Variants in LGR6 observed in about 807,000 individuals in gnomAD.
LGR6 encodes the protein leucine rich repeat containing G protein-coupled receptor 6.
A neutral mutation model predicts 69.4 loss-of-function variants in LGR6; 45 were observed. That is an observed-to-expected ratio of 0.65 (90% confidence interval 0.51 to 0.83). The LOEUF is 0.83. LGR6 is among the 40% of genes least tolerant of loss of function. LGR6 has a pLI of 0.00. For synonymous variants in LGR6, 538 were observed against 555.0 expected, an observed-to-expected ratio of 0.97 and a Z score of 0.43; for missense variants, 1,108 against 1,246.7, an observed-to-expected ratio of 0.89 and a Z score of 1.68.
chr1:202,301,271 T>G (rs757648365), intron 9 of LGR6, 36 bp downstream of exon 9: 29 of 1,542,056 alleles, frequency 1.9e-5, no homozygotes, highest in African/African-American at 2.7e-5. Flanking sequence ...CAGCCTGAAC[T>G]TCCCCCTTTC....
chr1:202,230,256 C>A (rs1287622135), intron 3 of LGR6, among the ~76,000 whole-genome samples: 1 of 152,078 alleles, frequency 6.6e-6, no homozygotes, highest in Non-Finnish European at 1.5e-5. Context: ...TTCCCACACC[C>A]CCCCACACCC....
At chr1:202,294,347 A>G (rs1243150474) in intron 6 of LGR6, among the ~76,000 whole-genome samples, 1 of 152,226 alleles carries the variant, frequency 6.6e-6, no homozygotes, top group Non-Finnish European at 1.5e-5. Flanking sequence ...CTCATTCTAT[A>G]TTGCTACATA....
chr1:202,258,919 A>G (rs1664004013), intron 4 of LGR6, among the ~76,000 whole-genome samples: 1 of 152,082 alleles, frequency 6.6e-6, no homozygotes, highest in African/African-American at 2.4e-5. Flanking sequence ...TAAGTCTGAT[A>G]CTGGATATCC....
intron 4 of LGR6, among the ~76,000 whole-genome samples, chr1:202,275,806 A>G (rs778461480): frequency 2.0e-5 from 3 of 152,200 alleles, no homozygotes; most frequent in East Asian, 1.9e-4. Context: ...GTCTTGGACT[A>G]TCATAGAACA....
intron 3 of LGR6, among the ~76,000 whole-genome samples, chr1:202,232,504 T>C (rs558372179): frequency 2.0e-5 from 3 of 152,234 alleles, no homozygotes; most frequent in African/African-American, 7.2e-5. Context: ...TGGGCTTCAG[T>C]GTGACCTGGG....
At chr1:202,273,752 G>A (rs565545514) in intron 4 of LGR6, among the ~76,000 whole-genome samples, 28 of 151,998 alleles carry the variant, frequency 1.8e-4, no homozygotes, top group African/African-American at 6.8e-4. Flanking sequence ...TACCGTGCCC[G>A]GTCATCAATT....
At chr1:202,204,421 A>C in intron 1 of LGR6, among the ~76,000 whole-genome samples, 1 of 97,266 alleles carries the variant, frequency 1.0e-5, no homozygotes, top group Admixed American at 1.1e-4. Flanking sequence ...CACCACACAC[A>C]CACCTCCAAA....
chr1:202,241,111 T>C (rs1337710341), intron 4 of LGR6, among the ~76,000 whole-genome samples: 3 of 152,182 alleles, frequency 2.0e-5, no homozygotes, highest in Non-Finnish European at 4.4e-5. Context: ...CGCCTTTTGA[T>C]GGCTTTCACT....
chr1:202,222,768 G>A (rs1454911992), intron 1 of LGR6, among the ~76,000 whole-genome samples: 2 of 152,114 alleles, frequency 1.3e-5, no homozygotes, highest in Non-Finnish European at 2.9e-5. Context: ...TCCAAGACTA[G>A]TGGGGCCTGA....
intron 6 of LGR6, among the ~76,000 whole-genome samples, chr1:202,285,671 C>T (rs1000843740): frequency 1.3e-5 from 2 of 152,246 alleles, no homozygotes; most frequent in Non-Finnish European, 1.5e-5. Context: ...GAGGATGTTA[C>T]CCAGAAGTGT....
At chr1:202,226,266 TC>T (rs1433818949) in intron 2 of LGR6, among the ~76,000 whole-genome samples, 1 of 152,160 alleles carries the variant, frequency 6.6e-6, no homozygotes, top group Non-Finnish European at 1.5e-5. Context: ...TTCCAACACC[TC>T]CCAGCCCTGT....
At chr1:202,269,679 C>G (rs534162912) in intron 4 of LGR6, among the ~76,000 whole-genome samples, 1 of 152,334 alleles carries the variant, frequency 6.6e-6, no homozygotes, top group Admixed American at 6.5e-5. Flanking sequence ...TCTCTCTGCT[C>G]CTAAAGCCCT....
chr1:202,214,319 C>T (rs972039687), intron 1 of LGR6: 6 of 1,297,218 alleles, frequency 4.6e-6, no homozygotes, highest in Admixed American at 3.6e-5. Flanking sequence ...CAGAAACCGA[C>T]GCGACGGGTG....
chr1:202,269,800 C>T (rs1215243667), intron 4 of LGR6, among the ~76,000 whole-genome samples: 3 of 152,200 alleles, frequency 2.0e-5, no homozygotes, highest in African/African-American at 7.2e-5. Context: ...TGCCCTCTTT[C>T]CCTTGCTTTC....
intron 6 of LGR6, among the ~76,000 whole-genome samples, chr1:202,290,610 C>A (rs776676513): frequency 6.6e-6 from 1 of 152,210 alleles, no homozygotes. Flanking sequence ...CGGTGGCTCA[C>A]GCCTGTAATC....
At chr1:202,263,683 G>A (rs1056470171) in intron 4 of LGR6, among the ~76,000 whole-genome samples, 7 of 152,178 alleles carry the variant, frequency 4.6e-5, no homozygotes, top group Admixed American at 3.3e-4. Context: ...GTGAGGTTAG[G>A]TCAGAAGGCT....
intron 11 of LGR6, among the ~76,000 whole-genome samples, chr1:202,304,873 C>T (rs1667869695): frequency 6.6e-6 from 1 of 152,186 alleles, no homozygotes; most frequent in African/African-American, 2.4e-5. Flanking sequence ...TCGTCTATAA[C>T]ATGGGAGTCA....
intron 6 of LGR6, among the ~76,000 whole-genome samples, chr1:202,284,718 C>T (rs1429853724): frequency 2.0e-5 from 3 of 151,886 alleles, no homozygotes; most frequent in South Asian, 2.1e-4. Flanking sequence ...TGAAAATCTT[C>T]GCAAGAAAAA....
intron 4 of LGR6, 138 bp from the exon 5 acceptor site, chr1:202,276,168 T>G (rs1665533378): frequency 1.5e-6 from 1 of 659,252 alleles, no homozygotes; most frequent in Non-Finnish European, 2.7e-6. Context: ...GGATACAGGA[T>G]ACATGGTGGC....
Sources: allele counts gnomAD v4.1 joint callset (sites outside exome capture counted in the v4.1 genomes callset), GRCh38; gene constraint gnomAD v4.1.1; transcripts MANE v1.5; gene names NCBI Gene and HGNC (gene_info 2026-07-23, HGNC 2026-07-21).